Variants in ERC2 observed in about 807,000 individuals in gnomAD.
ERC2 encodes ELKS/RAB6-interacting/CAST family member 2, also known as ERC protein 2.
ERC2 carries 42 observed loss-of-function variants against 114.8 expected under a neutral mutation model. The observed-to-expected ratio is 0.37, with a 90% confidence interval of 0.29 to 0.47. The LOEUF (loss-of-function observed/expected upper bound fraction) is 0.47, where lower values mean the gene tolerates loss of function less well. Ranked by LOEUF, ERC2 falls within the 20% of genes least tolerant of loss-of-function variation. The pLI, the probability that ERC2 is intolerant of heterozygous loss-of-function variation, is 0.99. For missense variants in ERC2, 939 were observed against 1,150.7 expected, an observed-to-expected ratio of 0.82 and a Z score of 2.66; for synonymous variants, 454 against 425.5, an observed-to-expected ratio of 1.07 and a Z score of -0.82.
chr3:56,340,442 G>T (rs2058040433), intron 2 of ERC2, among the ~76,000 whole-genome samples: 1 of 151,898 alleles, frequency 6.6e-6, no homozygotes, highest in Non-Finnish European at 1.5e-5. Flanking sequence ...CCTGAAATTA[G>T]GTAGCAATAT....
At chr3:55,710,263 T>C (rs2063709443) in intron 15 of ERC2, among the ~76,000 whole-genome samples, 1 of 151,940 alleles carries the variant, frequency 6.6e-6, no homozygotes, top group Non-Finnish European at 1.5e-5. Context: ...CATTTGCAGG[T>C]CTCCCCACAG....
chr3:56,074,860 G>A (rs2076899355), intron 7 of ERC2, among the ~76,000 whole-genome samples: 2 of 152,140 alleles, frequency 1.3e-5, no homozygotes, highest in African/African-American at 4.8e-5. Flanking sequence ...ATATTCTTGG[G>A]TGAGAAGTAG....
At chr3:55,934,118 C>T (rs2066293709) in intron 13 of ERC2, among the ~76,000 whole-genome samples, 1 of 152,078 alleles carries the variant, frequency 6.6e-6, no homozygotes, top group South Asian at 2.1e-4. Flanking sequence ...ACCATATGTG[C>T]ATGTGTGCTC....
At chr3:56,092,355 T>A (rs1362570786) in intron 6 of ERC2, among the ~76,000 whole-genome samples, 1 of 152,194 alleles carries the variant, frequency 6.6e-6, no homozygotes, top group East Asian at 1.9e-4. Flanking sequence ...TGTGAGTTAA[T>A]AATTCAGCCA....
intron 14 of ERC2, among the ~76,000 whole-genome samples, chr3:55,747,097 T>C (rs992433743): frequency 1.3e-5 from 2 of 152,200 alleles, no homozygotes; most frequent in African/African-American, 4.8e-5. Context: ...AAAGAATGCT[T>C]ATTTAAAAAA....
chr3:55,914,247 C>T (rs949544257), intron 13 of ERC2, among the ~76,000 whole-genome samples: 3 of 152,122 alleles, frequency 2.0e-5, no homozygotes, highest in Admixed American at 6.5e-5. Flanking sequence ...GCTAGTTTCC[C>T]ACCAACCAGA....
chr3:56,184,319 A>G (rs2083463000), intron 3 of ERC2, among the ~76,000 whole-genome samples: 1 of 152,212 alleles, frequency 6.6e-6, no homozygotes, highest in Non-Finnish European at 1.5e-5. Context: ...ACACATGTTA[A>G]GCAATGCAGA....
At chr3:56,058,567 T>C (rs888142032) in intron 7 of ERC2, among the ~76,000 whole-genome samples, 1 of 152,240 alleles carries the variant, frequency 6.6e-6, no homozygotes, top group African/African-American at 2.4e-5. Context: ...TGTTTTTGGA[T>C]GACACATGAA....
chr3:56,291,075 A>C (rs1458885840), intron 3 of ERC2, among the ~76,000 whole-genome samples: 1 of 152,252 alleles, frequency 6.6e-6, no homozygotes, highest in Non-Finnish European at 1.5e-5. Context: ...TCTAAGGACC[A>C]GTCAAGAAAA....
At chr3:55,942,266 CTTTTTTTTTTTTTTTTTTTTTTTTT>C (rs56851837) in intron 13 of ERC2, among the ~76,000 whole-genome samples, 1 of 42,110 alleles carries the variant, frequency 2.4e-5, no homozygotes, top group African/African-American at 8.4e-5. Context: ...AAGGTCCTTT[CTTTTTTTTTTTTTTTTTTTTTTTTT>C]TTTTTTTTTT....
At chr3:56,028,221 A>G (rs1277687241) in intron 7 of ERC2, among the ~76,000 whole-genome samples, 1 of 152,136 alleles carries the variant, frequency 6.6e-6, no homozygotes, top group African/African-American at 2.4e-5. Flanking sequence ...AAGGCTTAAT[A>G]TTAGTAGAGT....
intron 15 of ERC2, among the ~76,000 whole-genome samples, chr3:55,713,832 TG>T (rs1373483680): frequency 1.3e-5 from 2 of 152,138 alleles, no homozygotes; most frequent in Non-Finnish European, 2.9e-5. Context: ...TTTCTCCATG[TG>T]GTAAAAAAGC....
chr3:55,975,492 A>C (rs750028430), intron 12 of ERC2, among the ~76,000 whole-genome samples: 1 of 152,148 alleles, frequency 6.6e-6, no homozygotes, highest in Non-Finnish European at 1.5e-5. Context: ...TCTGGAAACA[A>C]GGAGGATAGA....
intron 3 of ERC2, among the ~76,000 whole-genome samples, chr3:56,232,234 G>A (rs1174745008): frequency 6.6e-6 from 1 of 150,870 alleles, no homozygotes; most frequent in Non-Finnish European, 1.5e-5. Flanking sequence ...CTCCCAAAGT[G>A]CTGGGATTAT....
chr3:55,938,504 G>C (rs1243538185), intron 13 of ERC2, among the ~76,000 whole-genome samples: 1 of 152,174 alleles, frequency 6.6e-6, no homozygotes, highest in Non-Finnish European at 1.5e-5. Flanking sequence ...AAATAACCTT[G>C]CAAGATGAGT....
At chr3:56,272,777 A>T (rs193007889) in intron 3 of ERC2, among the ~76,000 whole-genome samples, 5 of 152,300 alleles carry the variant, frequency 3.3e-5, no homozygotes, top group Admixed American at 2.6e-4. Flanking sequence ...ATAATAAAAA[A>T]CAAAGAAAGA....
At chr3:56,401,202 C>A (rs1323798320) in intron 2 of ERC2, among the ~76,000 whole-genome samples, 1 of 152,188 alleles carries the variant, frequency 6.6e-6, no homozygotes, top group Non-Finnish European at 1.5e-5. Context: ...TACCAATAAA[C>A]ATTGTTTGGT....
intron 2 of ERC2, among the ~76,000 whole-genome samples, chr3:56,311,207 A>G (rs1358743345): frequency 7.1e-6 from 1 of 140,800 alleles, no homozygotes; most frequent in East Asian, 2.1e-4. Flanking sequence ...AGATGAAATC[A>G]GTGTTCTTGG....
At chr3:56,111,134 T>A (rs79183538) in intron 6 of ERC2, among the ~76,000 whole-genome samples, 25,278 of 152,022 alleles carry the variant, frequency 0.17, 2,269 homozygotes, top group African/African-American at 0.21. Flanking sequence ...TCCTGGTGTG[T>A]CCCTGAGGCT....
Sources: allele counts gnomAD v4.1 joint callset (sites outside exome capture counted in the v4.1 genomes callset), GRCh38; gene constraint gnomAD v4.1.1; transcripts MANE v1.5; gene names NCBI Gene and HGNC (gene_info 2026-07-23, HGNC 2026-07-21).